The following ATP8B1 variants were observed in gnomAD, a reference collection of about 807,000 sequenced individuals.
ATP8B1 encodes phospholipid-transporting ATPase IC.
In ATP8B1, 80 loss-of-function variants were observed where a neutral mutation model predicts 149.9. The observed-to-expected ratio is 0.53, with a 90% CI of 0.45 to 0.64. The LOEUF (loss-of-function observed/expected upper bound fraction) is 0.64, where lower values mean the gene tolerates loss of function less well. ATP8B1 is among the 30% of genes least tolerant of loss of function. The pLI, the probability that ATP8B1 is intolerant of heterozygous loss-of-function variation, is 0.00. For synonymous variants in ATP8B1, 536 were observed against 562.8 expected, an observed-to-expected ratio of 0.95 and a Z score of 0.67; for missense variants, 1,247 against 1,552.6, an observed-to-expected ratio of 0.80 and a Z score of 3.31.
intron 15 of ATP8B1, among the ~76,000 whole-genome samples, chr18:57,682,707 A>G (rs1176148763): frequency 6.6e-6 from 1 of 152,190 alleles, no homozygotes; most frequent in Non-Finnish European, 1.5e-5. Flanking sequence ...ATCTGCTGAT[A>G]AACCCTTCCA....
intron 6 of ATP8B1, 98 bp from the exon 7 acceptor site, chr18:57,697,965 AG>A: frequency 1.7e-6 from 2 of 1,172,210 alleles, no homozygotes; most frequent in Non-Finnish European, 2.5e-6. Context: ...AAAATATGCA[AG>A]TCACAGAGAA....
intron 2 of ATP8B1, among the ~76,000 whole-genome samples, chr18:57,728,720 C>CT (rs1358767889): frequency 1.9e-5 from 2 of 107,672 alleles, no homozygotes; most frequent in African/African-American, 3.9e-5. Context: ...CAAGACTGAG[C>CT]ATTTTTTTTT....
chr18:57,657,456 G>A (rs1004445850), intron 22 of ATP8B1, among the ~76,000 whole-genome samples: 5 of 152,188 alleles, frequency 3.3e-5, no homozygotes, highest in Non-Finnish European at 5.9e-5. Context: ...ACCCTGAAAA[G>A]TGGCTGCAAT....
At chr18:57,716,461 T>C (rs929823032) in intron 2 of ATP8B1, among the ~76,000 whole-genome samples, 2 of 149,650 alleles carry the variant, frequency 1.3e-5, no homozygotes, top group Non-Finnish European at 3.0e-5. Flanking sequence ...CAACAGACAC[T>C]CCACCTGGAC....
intron 1 of ATP8B1, among the ~76,000 whole-genome samples, chr18:57,755,671 C>T (rs1347057750): frequency 6.6e-6 from 1 of 152,198 alleles, no homozygotes; most frequent in African/African-American, 2.4e-5. Context: ...TAAGTTTACA[C>T]AGGCAAACTC....
intron 12 of ATP8B1, 66 bp from the exon 13 acceptor site, chr18:57,688,573 A>C: frequency 6.6e-7 from 1 of 1,509,854 alleles, no homozygotes. Flanking sequence ...TAGAGATTTT[A>C]TTCTCATTGT....
intron 1 of ATP8B1, among the ~76,000 whole-genome samples, chr18:57,752,226 G>A (rs11877609): frequency 0.59 from 84,886 of 144,292 alleles, 25,440 homozygotes; most frequent in South Asian, 0.67. Context: ...TAATAATAAT[G>A]ATAATAATAA....
intron 1 of ATP8B1, among the ~76,000 whole-genome samples, chr18:57,763,340 C>T (rs920337693): frequency 2.0e-5 from 3 of 151,590 alleles, no homozygotes; most frequent in Non-Finnish European, 2.9e-5. Context: ...TGCGGTGAGC[C>T]GAGATCGTGC....
intron 4 of ATP8B1, among the ~76,000 whole-genome samples, chr18:57,704,239 A>AT (rs1390681637): frequency 6.6e-6 from 1 of 152,208 alleles, no homozygotes; most frequent in Admixed American, 6.5e-5. Flanking sequence ...AAGTGCTGGG[A>AT]TTATAGGCGT....
At chr18:57,668,629 A>G (rs1421309816) in intron 18 of ATP8B1, 89 bp from the exon 19 acceptor site, 87 of 807,322 alleles carry the variant, frequency 1.1e-4, no homozygotes, top group Non-Finnish European at 2.4e-5. Flanking sequence ...CTGTAAAAAG[A>G]AGGGCTAATT....
chr18:57,757,313 G>A (rs1166865308), intron 1 of ATP8B1, among the ~76,000 whole-genome samples: 2 of 152,114 alleles, frequency 1.3e-5, no homozygotes, highest in African/African-American at 4.8e-5. Flanking sequence ...ACAATAACAA[G>A]ATGTTCCAGG....
intron 2 of ATP8B1, among the ~76,000 whole-genome samples, chr18:57,707,073 A>G (rs963875592): frequency 1.3e-5 from 2 of 152,150 alleles, no homozygotes; most frequent in African/African-American, 4.8e-5. Context: ...TTGGGAGGCC[A>G]AGGCGGGTGA....
chr18:57,668,361 G>T, intron 19 of ATP8B1, 68 bp downstream of exon 19: 1 of 1,439,708 alleles, frequency 6.9e-7, no homozygotes, highest in Non-Finnish European at 9.8e-7. Context: ...AGGTCATCTT[G>T]GGCAAAGGAA....
Position 57,751,213 on chromosome 18 carries a change from T to A in ATP8B1, c.-25-19381A>T, listed in dbSNP as rs9948410. ...AGGCTATCAATAAGGAATGTTGGGC[T>A]AGGCTTGTGGCTCACACCTGTAACC... On this transcript the variant is annotated intron_variant, in intron 1 of 27. Coordinates refer to ENST00000648908, the MANE Select transcript of ATP8B1 (RefSeq NM_001374385.1). Among the ~76,000 whole-genome samples, 8 of 152,060 alleles carry A rather than the reference T, an allele frequency of 5.3e-5. No individual in the cohort carries two copies. The East Asian group carries it at 1.5e-3, about 29-fold the overall frequency.
intron 16 of ATP8B1, among the ~76,000 whole-genome samples, chr18:57,672,906 A>ATG (rs1911311452): frequency 2.7e-5 from 2 of 73,678 alleles, no homozygotes; most frequent in Non-Finnish European, 5.5e-5. Flanking sequence ...ATATATATAT[A>ATG]TATATATATA....
chr18:57,769,488 C>T (rs565888058), intron 1 of ATP8B1, among the ~76,000 whole-genome samples: 1 of 152,206 alleles, frequency 6.6e-6, no homozygotes, highest in African/African-American at 2.4e-5. Context: ...CAGCAAGAAA[C>T]TCAGTGCAAG....
At chr18:57,762,810 C>G (rs1318248743) in intron 1 of ATP8B1, among the ~76,000 whole-genome samples, 2 of 152,158 alleles carry the variant, frequency 1.3e-5, no homozygotes, top group African/African-American at 4.8e-5. Flanking sequence ...CTTAAACTAC[C>G]AAACCCATTA....
At chr18:57,663,280 T>A (rs1010878772) in intron 20 of ATP8B1, among the ~76,000 whole-genome samples, 1 of 152,212 alleles carries the variant, frequency 6.6e-6, no homozygotes, top group African/African-American at 2.4e-5. Flanking sequence ...CTTTTTAAAG[T>A]TGAATATATT....
intron 1 of ATP8B1, among the ~76,000 whole-genome samples, chr18:57,796,093 A>G (rs541895834): frequency 8.5e-5 from 13 of 152,228 alleles, no homozygotes; most frequent in Admixed American, 3.3e-4. Context: ...ACTTGAACCC[A>G]GGAGGCAGAG....
Sources: allele counts gnomAD v4.1 joint callset (sites outside exome capture counted in the v4.1 genomes callset), GRCh38; gene constraint gnomAD v4.1.1; transcripts MANE v1.5; gene names NCBI Gene and HGNC (gene_info 2026-07-23, HGNC 2026-07-21).